RBFOX1: variants seen among roughly 807,000 people sequenced by gnomAD.
RBFOX1 encodes the protein RNA binding protein fox-1 homolog 1.
RBFOX1 carries 8 observed loss-of-function variants against 57.7 expected under a neutral mutation model. The ratio of observed to expected loss-of-function variants is 0.14; its 90% CI spans 0.08 to 0.25. The LOEUF (loss-of-function observed/expected upper bound fraction) is 0.25. RBFOX1 is among the 10% of genes least tolerant of loss of function. The pLI is 1.00. For synonymous variants in RBFOX1, 326 were observed against 222.4 expected, an observed-to-expected ratio of 1.47 and a Z score of -4.15; for missense variants, 611 against 548.5, an observed-to-expected ratio of 1.11 and a Z score of -1.14.
intron 2 of RBFOX1, among the ~76,000 whole-genome samples, chr16:6,586,359 C>A (rs930498053): frequency 6.6e-6 from 1 of 152,182 alleles, no homozygotes; most frequent in African/African-American, 2.4e-5. Flanking sequence ...GCAAAACCAG[C>A]AGCATAAATG....
intron 2 of RBFOX1, among the ~76,000 whole-genome samples, chr16:6,452,956 A>G (rs141622302): frequency 6.6e-6 from 1 of 152,314 alleles, no homozygotes; most frequent in African/African-American, 2.4e-5. Context: ...CATGCTTAGT[A>G]TAACTTCTGT....
intron 4 of RBFOX1, among the ~76,000 whole-genome samples, chr16:7,321,648 A>C (rs1415270000): frequency 6.6e-6 from 1 of 152,226 alleles, no homozygotes; most frequent in Non-Finnish European, 1.5e-5. Context: ...GTGAAGATTA[A>C]GTGAGTTAAT....
intron 1 of RBFOX1, among the ~76,000 whole-genome samples, chr16:5,377,815 G>A (rs1164159748): frequency 6.6e-6 from 1 of 151,482 alleles, no homozygotes; most frequent in Non-Finnish European, 1.5e-5. Flanking sequence ...ATGCAAAAAA[G>A]CCTTCTGAAA....
intron 1 of RBFOX1, among the ~76,000 whole-genome samples, chr16:5,337,994 T>C (rs1436092295): frequency 1.3e-5 from 2 of 152,188 alleles, no homozygotes; most frequent in African/African-American, 4.8e-5. Context: ...CAGTGAACTA[T>C]GATTGCACCA....
At chr16:5,986,791 G>A (rs1468834347) in intron 4 of RBFOX1, among the ~76,000 whole-genome samples, 1 of 152,212 alleles carries the variant, frequency 6.6e-6, no homozygotes, top group African/African-American at 2.4e-5. Flanking sequence ...TGAAGGACAT[G>A]TGGGTTGTTT....
chr16:5,355,029 G>A (rs958489424), intron 1 of RBFOX1, among the ~76,000 whole-genome samples: 26 of 151,998 alleles, frequency 1.7e-4, no homozygotes, highest in African/African-American at 6.0e-4. Context: ...GAGGGACAGA[G>A]ATACAGAGAA....
At chr16:7,573,299 G>A (rs1187208371) in intron 5 of RBFOX1, among the ~76,000 whole-genome samples, 1 of 152,096 alleles carries the variant, frequency 6.6e-6, no homozygotes, top group Non-Finnish European at 1.5e-5. Flanking sequence ...AGGCAAAGTG[G>A]GAGGCAGTCA....
rs1182523860 is a variant in RBFOX1 at position 6,659,525 on chromosome 16, T to G, written c.-16+4875T>G. Among the ~76,000 whole-genome samples, 4 of 152,242 alleles carry G rather than the reference T, an allele frequency of 2.6e-5. No individual in the cohort carries two copies. In the East Asian group the frequency reaches 7.7e-4, roughly 29 times the overall value. ...AGTTGTGGTGTGGAAGTACCATCAT[T>G]TTCCCTGTTTTACAGGTAAAATAAA... On this transcript the variant is annotated intron_variant, in intron 3 of 15. Transcript: ENST00000550418.
At chr16:6,062,685 G>A in intron 1 of RBFOX1, among the ~76,000 whole-genome samples, 1 of 149,132 alleles carries the variant, frequency 6.7e-6, no homozygotes, top group African/African-American at 2.5e-5. Flanking sequence ...ATCTATATAT[G>A]TATATATGTA....
chr16:5,956,650 A>G (rs1161639815), intron 4 of RBFOX1, among the ~76,000 whole-genome samples: 2 of 82,694 alleles, frequency 2.4e-5, no homozygotes, highest in East Asian at 7.0e-4. Context: ...ATATATATAT[A>G]TATATATTTA....
At chr16:6,882,333 T>C (rs1009967955) in intron 3 of RBFOX1, among the ~76,000 whole-genome samples, 1 of 152,180 alleles carries the variant, frequency 6.6e-6, no homozygotes, top group African/African-American at 2.4e-5. Flanking sequence ...CAATTCTGGC[T>C]ACTTTTAGCA....
intron 4 of RBFOX1, among the ~76,000 whole-genome samples, chr16:5,901,509 A>T (rs868399046): frequency 1.3e-5 from 2 of 152,184 alleles, no homozygotes; most frequent in Non-Finnish European, 2.9e-5. Context: ...TTGCTAGCCA[A>T]TATGGTAGCC....
At chr16:7,150,409 G>T (rs372959776) in intron 4 of RBFOX1, among the ~76,000 whole-genome samples, 1 of 152,004 alleles carries the variant, frequency 6.6e-6, no homozygotes, top group Non-Finnish European at 1.5e-5. Context: ...ATTGGTCCCC[G>T]GGCTGTATTT....
intron 3 of RBFOX1, among the ~76,000 whole-genome samples, chr16:6,917,665 T>C (rs1272697073): frequency 1.3e-5 from 2 of 152,208 alleles, no homozygotes; most frequent in African/African-American, 4.8e-5. Flanking sequence ...ATTTGCTGTT[T>C]TGAAGGAGGG....
rs111724432 is a variant in RBFOX1, at chr16:5,419,991, C to T, written c.220-47225C>T. 9.1e-3 allele frequency among the ~76,000 whole-genome samples: 1,390 copies of T among 152,176 alleles called. 15 individuals carry two copies. The highest frequency in any genetic ancestry group is 0.015 in the Non-Finnish European group (1,006 of 68,004). On this transcript the variant is annotated intron_variant, in intron 1 of 2. Transcript: ENST00000585867. ...TCTGCAGATACCAGCCCAGCTCAGC[C>T]GATATTGTGACTTGGGCCTGTGAGA...
At chr16:6,882,579 G>T (rs79213706) in intron 3 of RBFOX1, among the ~76,000 whole-genome samples, 3 of 152,128 alleles carry the variant, frequency 2.0e-5, no homozygotes, top group African/African-American at 7.2e-5. Flanking sequence ...CTCGGTGGCA[G>T]AGTTAAACTC....
intron 1 of RBFOX1, among the ~76,000 whole-genome samples, chr16:5,439,642 T>C (rs1042242775): frequency 6.6e-6 from 1 of 152,058 alleles, no homozygotes; most frequent in Non-Finnish European, 1.5e-5. Context: ...TGGTGTCCTT[T>C]AATGAGATGA....
chr16:7,129,940 G>T (rs372198227), intron 4 of RBFOX1, among the ~76,000 whole-genome samples: 1 of 151,856 alleles, frequency 6.6e-6, no homozygotes, highest in Admixed American at 6.6e-5. Context: ...TCCATTTCCT[G>T]CTTCAAATCT....
chr16:6,970,919 A>G (rs772328919), intron 3 of RBFOX1, among the ~76,000 whole-genome samples: 2 of 152,260 alleles, frequency 1.3e-5, no homozygotes, highest in African/African-American at 4.8e-5. Flanking sequence ...GTGCTGTTCC[A>G]TTTGTCTGAA....
Sources: gnomAD v4.1 joint callset for allele counts (sites outside exome capture counted in the v4.1 genomes callset) on GRCh38, gnomAD v4.1.1 for gene constraint, MANE v1.5 for transcripts, NCBI Gene and HGNC (gene_info 2026-07-23, HGNC 2026-07-21) for gene names.